EMB: variants seen among roughly 807,000 people sequenced by gnomAD.
EMB encodes the protein embigin homolog.
EMB carries 31 observed loss-of-function variants against 41.4 expected under a neutral mutation model. The ratio of observed to expected loss-of-function variants is 0.75; its 90% CI spans 0.56 to 1.01. EMB has a LOEUF of 1.01. Ranked by LOEUF, EMB falls within the 50% of genes least tolerant of loss-of-function variation. EMB has a pLI of 0.00. For missense variants in EMB, 379 were observed against 388.3 expected (o/e 0.98, Z 0.20); for synonymous variants, 137 against 140.4 (o/e 0.98, Z 0.17).
intron 5 of EMB, 54 bp from the exon 6 acceptor site, chr5:50,403,508 T>A (rs1366170827): frequency 1.3e-5 from 21 of 1,560,636 alleles, no homozygotes; most frequent in East Asian, 2.2e-5. Flanking sequence ...AAAAGATACA[T>A]GACATAGTTT....
intron 1 of EMB, among the ~76,000 whole-genome samples, chr5:50,434,542 A>C (rs2111865429): frequency 6.6e-6 from 1 of 152,356 alleles, no homozygotes; most frequent in Non-Finnish European, 1.5e-5. Context: ...GCTATTAGCT[A>C]TCTCATTGCT....
At chr5:50,422,593 C>G (rs569460363) in intron 2 of EMB, among the ~76,000 whole-genome samples, 2 of 152,234 alleles carry the variant, frequency 1.3e-5, no homozygotes, top group African/African-American at 2.4e-5. Flanking sequence ...TTAGTTCCTT[C>G]TCACACACAA....
chr5:50,397,946 T>C lies in EMB; in HGVS notation c.*1327A>G, dbSNP rs546051391. ...TAAACATTAGTGATACAATTTTCAC[T>C]ACCAAAATTTTATTATATTTTTCTT... On this transcript the variant is annotated 3_prime_UTR_variant, in exon 9 of 9. Transcript: ENST00000303221. 6.6e-6 allele frequency: 1 copy of C among 152,136 alleles called. No individual in the cohort carries two copies. The highest frequency in any genetic ancestry group is 6.6e-5 in the Admixed American group (1 of 15,220). The allele number at this position is 152,136 out of a possible 1,614,324, so 9.4% of individuals were successfully genotyped here.
In EMB at chr5:50,437,716, A is replaced by G. The variant is rs564119354; in HGVS notation, c.112+3324T>C. Among the ~76,000 whole-genome samples the G allele has an allele frequency of 3.6e-3, 547 of 152,202 alleles. 3 individuals carry two copies. The highest frequency in any genetic ancestry group is 0.012 in the African/African-American group (517 of 41,502). On this transcript the variant is annotated intron_variant, in intron 1 of 8. Transcript: ENST00000303221. ...TGCTTGAATAGTATTTGCTTCAAAA[A>G]TATTTATTACTAGAAAGCTGCTGTG...
At chr5:50,431,496 G>A (rs1440782123) in intron 1 of EMB, among the ~76,000 whole-genome samples, 2 of 152,160 alleles carry the variant, frequency 1.3e-5, no homozygotes, top group Non-Finnish European at 2.9e-5. Flanking sequence ...ATAAAATGGA[G>A]AGGAAGGAAT....
intron 2 of EMB, among the ~76,000 whole-genome samples, chr5:50,412,185 G>C (rs1312350091): frequency 6.6e-6 from 1 of 151,676 alleles, no homozygotes; most frequent in Non-Finnish European, 1.5e-5. Context: ...CTAACCCTTA[G>C]AGAAGCTTTA....
At chr5:50,405,961 T>C in intron 4 of EMB, 109 bp from the exon 5 acceptor site, 1 of 1,409,368 alleles carries the variant, frequency 7.1e-7, no homozygotes, top group South Asian at 1.6e-5. Context: ...TTATTTTAAG[T>C]ACTTTCAGTT....
At chr5:50,430,136 G>A (rs1384401013) in intron 1 of EMB, among the ~76,000 whole-genome samples, 1 of 152,084 alleles carries the variant, frequency 6.6e-6, no homozygotes, top group Non-Finnish European at 1.5e-5. Flanking sequence ...TTATATTAAA[G>A]ACAAAATATT....
intron 2 of EMB, chr5:50,411,924 C>T (rs1745344977): frequency 6.6e-6 from 1 of 152,036 alleles, no homozygotes; most frequent in South Asian, 2.1e-4. Context: ...GACATAGGTA[C>T]AAGACAGAGA....
rs746363333 is a variant in EMB, at chr5:50,428,243, C to T, written c.113-16G>A. 13 of 1,534,852 alleles carry T rather than the reference C, an allele frequency of 8.5e-6. No individual in the cohort carries two copies. The highest frequency in any genetic ancestry group is 1.2e-5 in the Non-Finnish European group (13 of 1,109,970). On this transcript the variant is annotated splice_polypyrimidine_tract_variant and intron_variant, in intron 1 of 8. Transcript: ENST00000303221. ...AAAGGCGAATCTATAAGAGAAAGAA[C>T]ACATGATTACACACTCTTATCAAGA...
intron 2 of EMB, among the ~76,000 whole-genome samples, chr5:50,423,565 G>GT (rs1745560424): frequency 6.6e-6 from 1 of 152,202 alleles, no homozygotes; most frequent in East Asian, 1.9e-4. Context: ...CTGTGTGCTT[G>GT]TTTTTTATAT....
intron 1 of EMB, 23 bp from the exon 2 acceptor site, chr5:50,428,250 T>C: frequency 2.0e-6 from 3 of 1,520,106 alleles, no homozygotes; most frequent in Non-Finnish European, 2.7e-6. Flanking sequence ...GAACACATGA[T>C]TACACACTCT....
rs13189140 is a variant in EMB, at chr5:50,425,512, A to G, written c.196+2632T>C. On this transcript the variant is annotated intron_variant, in intron 2 of 8. Transcript: ENST00000303221. ...ATGCAGAGAGGAAAAAAACAAAAAA[A>G]ATATATTGTGGTAATACAAACAATA... Among the ~76,000 whole-genome samples, 6 of 152,174 alleles carry G rather than the reference A, an allele frequency of 3.9e-5. No individual in the cohort carries two copies. The South Asian group carries it at 1.2e-3, about 32-fold the overall frequency.
At chr5:50,433,350 A>AG (rs70972910) in intron 1 of EMB, among the ~76,000 whole-genome samples, 59,927 of 152,000 alleles carry the variant, frequency 0.39, 12,328 homozygotes, top group African/African-American at 0.51. Flanking sequence ...TCTTTAAAAA[A>AG]ATATAATTTT....
chr5:50,427,986 T>C (rs1278898674), intron 2 of EMB, among the ~76,000 whole-genome samples, 158 bp downstream of exon 2: 1 of 152,170 alleles, frequency 6.6e-6, no homozygotes, highest in Non-Finnish European at 1.5e-5. Context: ...TAAAACGTCC[T>C]CACCACATTA....
chr5:50,439,487 A>AT (rs35139912), intron 1 of EMB, among the ~76,000 whole-genome samples: 5,487 of 137,534 alleles, frequency 0.04, 147 homozygotes, highest in Non-Finnish European at 0.058. Flanking sequence ...CGCACTTTTA[A>AT]TTTTTTTTTT....
chr5:50,432,023 A>G (rs1188823458), intron 1 of EMB, among the ~76,000 whole-genome samples: 2 of 152,230 alleles, frequency 1.3e-5, no homozygotes, highest in Non-Finnish European at 2.9e-5. Flanking sequence ...TAAACATGCT[A>G]TAATTCTACT....
intron 1 of EMB, chr5:50,428,611 G>C (rs768837880): frequency 4.4e-5 from 43 of 987,020 alleles, no homozygotes; most frequent in Non-Finnish European, 4.9e-5. Context: ...GATGAAAGAA[G>C]AGCGACAGGC....
At chr5:50,410,613 G>C (rs1745320671) in intron 4 of EMB, among the ~76,000 whole-genome samples, 1 of 152,088 alleles carries the variant, frequency 6.6e-6, no homozygotes, top group Non-Finnish European at 1.5e-5. Flanking sequence ...TCAGGCAACT[G>C]ATATAATTCA....
Sources: gnomAD v4.1 joint callset for allele counts (sites outside exome capture counted in the v4.1 genomes callset) on GRCh38, gnomAD v4.1.1 for gene constraint, MANE v1.5 for transcripts, NCBI Gene and HGNC (gene_info 2026-07-23, HGNC 2026-07-21) for gene names.